PHIP: variants seen among roughly 807,000 people sequenced by gnomAD.
PHIP encodes PH-interacting protein.
A neutral mutation model predicts 236.8 loss-of-function variants in PHIP; 54 were observed. The ratio of observed to expected loss-of-function variants is 0.23; its 90% CI spans 0.18 to 0.29. The LOEUF is 0.29. PHIP is among the 10% of genes least tolerant of loss of function. The probability of loss-of-function intolerance (pLI) is 1.00; values close to 1 mark genes in which losing one functional copy is unlikely to be tolerated. For missense variants in PHIP, 1,370 were observed against 2,190.8 expected (o/e 0.63, Z 7.48); for synonymous variants, 756 against 718.9 (o/e 1.05, Z -0.83).
intron 15 of PHIP, among the ~76,000 whole-genome samples, chr6:79,005,833 C>T (rs2127734489): frequency 6.6e-6 from 1 of 151,998 alleles, no homozygotes; most frequent in South Asian, 2.1e-4. Flanking sequence ...GGTTGCGGGG[C>T]AAGTAGGACT....
Position 78,935,528 on chromosome 6 carries a change from T to G in PHIP, c.*5165A>C, listed in dbSNP as rs534020480. 1.0e-6 allele frequency: 1 copy of G among 974,902 alleles called. No individual in the cohort carries two copies. The highest frequency in any genetic ancestry group is 4.7e-5 in the South Asian group (1 of 21,060). 60.4% of individuals were successfully genotyped at this position (974,902 alleles called of 1,614,324 possible). On this transcript the variant is annotated 3_prime_UTR_variant, in exon 40 of 40. Coordinates refer to ENST00000275034, the MANE Select transcript of PHIP (RefSeq NM_017934.7). ...CTGAAATGTATCTCTTACGAAAGTATCTGAATAGTGAAGTATTTATCACTC... is the reference window on the plus strand; with the variant it reads ...CTGAAATGTATCTCTTACGAAAGTAGCTGAATAGTGAAGTATTTATCACTC...
At chr6:79,026,840 AT>A (rs1425123487) in intron 7 of PHIP, among the ~76,000 whole-genome samples, 5 of 151,388 alleles carry the variant, frequency 3.3e-5, no homozygotes, top group African/African-American at 1.2e-4. Flanking sequence ...CTCTATTTTT[AT>A]TTTTTATTAT....
intron 24 of PHIP, 107 bp from the exon 25 acceptor site, chr6:78,970,995 A>C (rs1426868040): frequency 2.8e-6 from 2 of 702,624 alleles, no homozygotes; most frequent in African/African-American, 1.9e-5. Context: ...TTTTCAGCTA[A>C]TAGAAATTCT....
intron 4 of PHIP, among the ~76,000 whole-genome samples, chr6:79,075,567 T>A: frequency 7.0e-6 from 1 of 143,302 alleles, no homozygotes; most frequent in African/African-American, 2.6e-5. Context: ...TACTAATAAT[T>A]CCTCCCCCCA....
chr6:78,998,968 A>G (rs911831927), intron 17 of PHIP, among the ~76,000 whole-genome samples: 1 of 152,150 alleles, frequency 6.6e-6, no homozygotes, highest in African/African-American at 2.4e-5. Flanking sequence ...ACAATAACCC[A>G]GGAGTTAATA....
chr6:78,972,730 T>C (rs1017634539), intron 24 of PHIP, among the ~76,000 whole-genome samples: 1 of 152,034 alleles, frequency 6.6e-6, no homozygotes, highest in Non-Finnish European at 1.5e-5. Context: ...ATGTGAAGAA[T>C]GCAGAAGCCT....
At position 79,015,847 on chromosome 6, in the gene PHIP, A is replaced by G. The variant is rs1770810312; in HGVS notation, c.1236-64T>C. 3 of 1,033,480 alleles carry G rather than the reference A, an allele frequency of 2.9e-6. No homozygotes were observed. The South Asian group carries it at 4.6e-5, about 16-fold the overall frequency. 64.0% of individuals were successfully genotyped at this position (1,033,480 alleles called of 1,614,324 possible). A position where few individuals can be genotyped will look rare whatever the true frequency, so the allele number is the denominator to read the frequency against. On this transcript the variant is annotated intron_variant, in intron 13 of 39. Transcript: ENST00000275034. ...ACTGACACAACAAAAACCAAAACATATAATCTATAATTAGTATTTATATTC... is the reference window on the plus strand; with the variant it reads ...ACTGACACAACAAAAACCAAAACATGTAATCTATAATTAGTATTTATATTC...
intron 24 of PHIP, among the ~76,000 whole-genome samples, chr6:78,973,461 T>C (rs1466056845): frequency 1.7e-5 from 2 of 117,938 alleles, no homozygotes; most frequent in Non-Finnish European, 3.6e-5. Flanking sequence ...AGGAAGAAAC[T>C]GCATCAACTA....
rs773695500 is a variant in PHIP, at chr6:78,997,390, A to G, written c.2201+24T>C. 2.5e-6 allele frequency: 4 copies of G among 1,606,880 alleles called. No homozygotes were observed. In the African/African-American group the frequency reaches 5.4e-5, roughly 21 times the overall value. Reference sequence around the variant, plus strand: ...AAATGAACCCAAGGAACTATGGTACATAAAAATTCACAACTTCCCTTACCT... The same window carrying G: ...AAATGAACCCAAGGAACTATGGTACGTAAAAATTCACAACTTCCCTTACCT... On this transcript the variant is annotated intron_variant, in intron 19 of 39. Transcript: ENST00000275034.
intron 4 of PHIP, among the ~76,000 whole-genome samples, chr6:79,064,219 C>A (rs1773514813): frequency 6.6e-6 from 1 of 152,146 alleles, no homozygotes; most frequent in African/African-American, 2.4e-5. Context: ...TAGACCTCCA[C>A]ATTCTAGTAT....
chr6:78,967,099 T>C (rs964369517), intron 27 of PHIP, among the ~76,000 whole-genome samples: 1 of 152,210 alleles, frequency 6.6e-6, no homozygotes, highest in Admixed American at 6.5e-5. Context: ...AAAGTAGTTA[T>C]GTTCTCATTT....
intron 7 of PHIP, among the ~76,000 whole-genome samples, chr6:79,032,459 T>A (rs1262588535): frequency 6.6e-6 from 1 of 152,190 alleles, no homozygotes; most frequent in Non-Finnish European, 1.5e-5. Context: ...ATAGTCCACA[T>A]CCTTTGTTTT....
rs1286345759 is a variant in PHIP, at chr6:79,039,843, G to C, written c.600+3000C>G. 4.6e-5 allele frequency among the ~76,000 whole-genome samples: 7 copies of C among 151,742 alleles called. No individual in the cohort carries two copies. In the East Asian group the frequency reaches 1.4e-3, roughly 29 times the overall value. On this transcript the variant is annotated intron_variant, in intron 7 of 39. Transcript: ENST00000275034. ...AGTAAAAAACATTAAAAGGCTAAAAGAGAATTAGTGAACAAAATCTGACTT... is the reference window on the plus strand; with the variant it reads ...AGTAAAAAACATTAAAAGGCTAAAACAGAATTAGTGAACAAAATCTGACTT...
At position 79,012,297 on chromosome 6, in the gene PHIP, A is replaced by G. The variant is rs868306665; in HGVS notation, c.1524+2785T>C. The stretch of plus-strand genomic sequence containing the variant: ...AACCAGTATTTAAGAAATTTGTACT[A>G]AAACTGTTATTCTAAAGGTATAGTC... On this transcript the variant is annotated intron_variant, in intron 15 of 39. Coordinates refer to ENST00000275034, the MANE Select transcript of PHIP (RefSeq NM_017934.7). 7.9e-5 allele frequency among the ~76,000 whole-genome samples: 12 copies of G among 151,920 alleles called. No homozygotes were observed. In the South Asian group the frequency reaches 1.0e-3, roughly 13 times the overall value.
At chr6:79,077,161 C>A (rs1293814054) in intron 4 of PHIP, among the ~76,000 whole-genome samples, 2 of 151,846 alleles carry the variant, frequency 1.3e-5, no homozygotes, top group Non-Finnish European at 2.9e-5. Flanking sequence ...CGCGCCGGCC[C>A]CTCCTCCTCC....
Position 78,940,957 on chromosome 6 carries a change from A to C in PHIP, c.5202T>G (p.Ser1734Arg). The C allele has an allele frequency of 6.2e-7, 1 of 1,613,998 alleles. No individual in the cohort carries two copies. The highest frequency in any genetic ancestry group is 8.5e-7 in the Non-Finnish European group (1 of 1,179,940). The change falls in exon 40 of 40, where the codon AGT becomes AGG. Residue 1734 changes from serine to arginine, a missense_variant. By Grantham distance (110) the Ser-to-Arg change is moderately radical (BLOSUM62 -1). This residue lies in a region of PHIP where 309 missense variants were observed against 328.3 expected (regional missense o/e 0.94). Transcript: ENST00000275034. ...KLDADLLVPASVKVLRRSNRK... is the reference protein window; with the variant it reads ...KLDADLLVPARVKVLRRSNRK... ...GGTTACTTCTCCTTAACACTTTGACACTTGCAGGGACTAGGAGATCTGCAT... is the reference window on the plus strand; with the variant it reads ...GGTTACTTCTCCTTAACACTTTGACCCTTGCAGGGACTAGGAGATCTGCAT...
intron 4 of PHIP, among the ~76,000 whole-genome samples, chr6:79,068,493 A>G (rs1773733996): frequency 6.6e-6 from 1 of 152,056 alleles, no homozygotes; most frequent in Admixed American, 6.6e-5. Context: ...AAAAAACCCC[A>G]CGAAATCTCA....
chr6:79,000,834 G>A (rs1769939427), intron 17 of PHIP, among the ~76,000 whole-genome samples: 1 of 151,966 alleles, frequency 6.6e-6, no homozygotes, highest in Non-Finnish European at 1.5e-5. Context: ...TAAGTCCACT[G>A]GACTGCACTA....
intron 4 of PHIP, among the ~76,000 whole-genome samples, chr6:79,073,761 T>G (rs1774012404): frequency 6.6e-6 from 1 of 152,142 alleles, no homozygotes; most frequent in African/African-American, 2.4e-5. Flanking sequence ...ATGGTAATTT[T>G]GGGGCATTTT....
Sources: gnomAD v4.1 joint callset for allele counts (sites outside exome capture counted in the v4.1 genomes callset) on GRCh38, gnomAD v4.1.1 for gene constraint, gnomAD v4.1.1 regional missense constraint, MANE v1.5 for transcripts, NCBI Gene and HGNC (gene_info 2026-07-23, HGNC 2026-07-21) for gene names.